KSR2: variants seen among roughly 807,000 people sequenced by gnomAD.
KSR2 encodes kinase suppressor of ras 2.
A neutral mutation model predicts 107.8 loss-of-function variants in KSR2; 25 were observed. That is an observed-to-expected ratio of 0.23 (90% CI 0.17 to 0.32). The LOEUF (loss-of-function observed/expected upper bound fraction) is 0.32, where lower values mean the gene tolerates loss of function less well. Among genes scored for constraint, KSR2 ranks in the 10% least tolerant of loss-of-function variants. KSR2 has a pLI of 1.00. For missense variants in KSR2, 887 were observed against 1,268.9 expected (o/e 0.70, Z 4.57); for synonymous variants, 480 against 507.0 (o/e 0.95, Z 0.71).
intron 2 of KSR2, among the ~76,000 whole-genome samples, chr12:117,859,929 A>G (rs1473408635): frequency 6.6e-6 from 1 of 152,240 alleles, no homozygotes; most frequent in African/African-American, 2.4e-5. Context: ...TAAAATCTCA[A>G]TCACATGTCC....
chr12:117,577,203 A>G (rs1011519821), intron 7 of KSR2, among the ~76,000 whole-genome samples: 1 of 151,992 alleles, frequency 6.6e-6, no homozygotes, highest in Non-Finnish European at 1.5e-5. Flanking sequence ...GAGCAAGCCT[A>G]GAGCAGAAGG....
chr12:117,876,846 G>T (rs947471734), intron 1 of KSR2, among the ~76,000 whole-genome samples: 2 of 151,574 alleles, frequency 1.3e-5, no homozygotes, highest in African/African-American at 2.4e-5. Flanking sequence ...GATCAGACAT[G>T]TTTCAGATTT....
chr12:117,890,526 A>G (rs866639565), intron 1 of KSR2, among the ~76,000 whole-genome samples: 7 of 152,324 alleles, frequency 4.6e-5, no homozygotes, highest in Admixed American at 6.5e-5. Flanking sequence ...GTCTTTTTAA[A>G]TAAGCTCACT....
At chr12:117,786,799 AGAG>A (rs1397660679) in intron 3 of KSR2, among the ~76,000 whole-genome samples, 1 of 152,068 alleles carries the variant, frequency 6.6e-6, no homozygotes, top group Non-Finnish European at 1.5e-5. Flanking sequence ...CTGGGCAACA[AGAG>A]TGAAACTCAC....
chr12:117,751,126 G>T (rs181471963), intron 4 of KSR2, among the ~76,000 whole-genome samples: 75 of 152,286 alleles, frequency 4.9e-4, no homozygotes, highest in Admixed American at 7.8e-4. Context: ...TCATGATAGT[G>T]AGTGAGTTCT....
chr12:117,906,989 C>T (rs1894874452), intron 1 of KSR2, among the ~76,000 whole-genome samples: 1 of 152,176 alleles, frequency 6.6e-6, no homozygotes, highest in Admixed American at 6.5e-5. Context: ...CACTGCACTC[C>T]AGCCTGGGTG....
At chr12:117,575,047 T>C (rs1879189851) in intron 7 of KSR2, among the ~76,000 whole-genome samples, 1 of 152,186 alleles carries the variant, frequency 6.6e-6, no homozygotes, top group African/African-American at 2.4e-5. Context: ...CCACTTGAAT[T>C]GAAACTGCAG....
chr12:117,688,773 C>T (rs374788892), intron 4 of KSR2, among the ~76,000 whole-genome samples: 12 of 152,270 alleles, frequency 7.9e-5, no homozygotes, highest in African/African-American at 2.4e-4. Flanking sequence ...CAACTGCACA[C>T]GCCATGAAGT....
rs1894534387 is a variant in KSR2 at position 117,897,016 on chromosome 12, G to C, written c.181-36585C>G. On this transcript the variant is annotated intron_variant, in intron 1 of 19. Transcript: ENST00000339824. This position sits in a 1 kb window ranked among gnomAD's most constrained non-coding sequence, Gnocchi z 4.5. ...GACAGGTGCTGTGCCAAGCAGGGCAGTGATACTTCATCTGCCTAACCAGGA... is the reference window on the plus strand; with the variant it reads ...GACAGGTGCTGTGCCAAGCAGGGCACTGATACTTCATCTGCCTAACCAGGA... Among the ~76,000 whole-genome samples the C allele has an allele frequency of 1.3e-5, 2 of 152,288 alleles. No individual in the cohort carries two copies. The highest frequency in any genetic ancestry group is 4.1e-4 in the South Asian group (2 of 4,820).
chr12:117,862,967 G>A (rs1893360145), intron 1 of KSR2, among the ~76,000 whole-genome samples: 2 of 152,082 alleles, frequency 1.3e-5, no homozygotes, highest in African/African-American at 4.8e-5. Flanking sequence ...CTGATCTCGT[G>A]ATCCACCTGC....
At chr12:117,522,692 G>T (rs1020295101) in intron 14 of KSR2, among the ~76,000 whole-genome samples, 1 of 152,124 alleles carries the variant, frequency 6.6e-6, no homozygotes, top group Non-Finnish European at 1.5e-5. Context: ...ACAGATGTAG[G>T]TCTTGACCTC....
intron 5 of KSR2, among the ~76,000 whole-genome samples, chr12:117,627,143 A>G (rs539144320): frequency 2.0e-5 from 3 of 151,002 alleles, no homozygotes; most frequent in Non-Finnish European, 4.4e-5. Context: ...ATGGGTCTTG[A>G]CTCTTTATCC....
rs531685683 is a variant in KSR2 at position 117,715,000 on chromosome 12, TA to T, written c.986+46010del. 1.6e-3 allele frequency among the ~76,000 whole-genome samples: 238 copies of T among 152,274 alleles called. 2 individuals are homozygous for T. Among genetic ancestry groups the T allele is most frequent in the African/African-American group, 5.5e-3 (227 of 41,554 alleles). ...CTAGAAATTCCACCCAATGCTCTGATATTTTTTTCAGAGCCCCAGAAAAAAA... is the reference window on the plus strand; with the variant it reads ...CTAGAAATTCCACCCAATGCTCTGATTTTTTTTCAGAGCCCCAGAAAAAAA... On this transcript the variant is annotated intron_variant, in intron 4 of 19. Transcript: ENST00000339824.
chr12:117,852,252 G>A (rs988087705), intron 3 of KSR2, among the ~76,000 whole-genome samples: 4 of 146,816 alleles, frequency 2.7e-5, no homozygotes, highest in South Asian at 2.3e-4. Flanking sequence ...GTGAAACCTC[G>A]TCTCTACTAA....
intron 7 of KSR2, among the ~76,000 whole-genome samples, chr12:117,567,438 G>A (rs816208): frequency 0.57 from 86,367 of 151,532 alleles, 24,759 homozygotes; most frequent in Non-Finnish European, 0.58. Flanking sequence ...AACATGGCGC[G>A]CGGTCTCGTC....
intron 1 of KSR2, among the ~76,000 whole-genome samples, chr12:117,873,617 C>T (rs1324027289): frequency 6.6e-6 from 1 of 152,022 alleles, no homozygotes; most frequent in African/African-American, 2.4e-5. Context: ...CGTGCCACCA[C>T]ACCCGGCTAA....
chr12:117,853,916 G>A (rs1226562240), intron 3 of KSR2, among the ~76,000 whole-genome samples: 1 of 152,138 alleles, frequency 6.6e-6, no homozygotes, highest in Non-Finnish European at 1.5e-5. Context: ...GTTGGGGGAT[G>A]TTACTGGTAT....
At chr12:117,751,783 A>G (rs1466838557) in intron 4 of KSR2, among the ~76,000 whole-genome samples, 1 of 152,210 alleles carries the variant, frequency 6.6e-6, no homozygotes, top group Non-Finnish European at 1.5e-5. Flanking sequence ...CTGAGGATCC[A>G]CAGAAGAGAT....
intron 4 of KSR2, among the ~76,000 whole-genome samples, chr12:117,683,110 C>T (rs1006673384): frequency 7.2e-5 from 11 of 152,036 alleles, no homozygotes; most frequent in South Asian, 2.1e-4. Context: ...GTAGATACTT[C>T]GTTACTTTTA....
Sources: allele counts gnomAD v4.1 joint callset (sites outside exome capture counted in the v4.1 genomes callset), GRCh38; gene constraint gnomAD v4.1.1; non-coding constraint Gnocchi (gnomAD v3.1); transcripts MANE v1.5; gene names NCBI Gene and HGNC (gene_info 2026-07-23, HGNC 2026-07-21).